The following UGT1A10 variants were observed in gnomAD, a reference collection of about 807,000 sequenced individuals.
UGT1A10 encodes UDP glucuronosyltransferase family 1 member A10.
UGT1A10 carries 49 observed loss-of-function variants against 45.8 expected under a neutral mutation model. The observed-to-expected ratio is 1.07, with a 90% CI of 0.85 to 1.36. The LOEUF is 1.36. Ranked by LOEUF, UGT1A10 falls within the 40% of genes most tolerant of loss-of-function variation. The pLI, the probability that UGT1A10 is intolerant of heterozygous loss-of-function variation, is 0.00. For missense variants in UGT1A10, 745 were observed against 668.6 expected (o/e 1.11, Z -1.26); for synonymous variants, 284 against 249.7 (o/e 1.14, Z -1.29).
chr2:233,772,879 G>T lies in UGT1A10; in HGVS notation c.*320G>T. The stretch of plus-strand genomic sequence containing the variant: ...AAACATGGCCTGTTTGGGAGTGCGG[G>T]ATTCAAAGGTGGTCCCACGGCTGCC... On this transcript the variant is annotated 3_prime_UTR_variant, in exon 5 of 5. Transcript: ENST00000344644. The T allele has an allele frequency of 1.7e-6, 1 of 580,054 alleles. No individual in the cohort carries two copies. The allele number at this position is 580,054 out of a possible 1,614,324, so 35.9% of individuals were successfully genotyped here. A position where few individuals can be genotyped will look rare whatever the true frequency, so the allele number is the denominator to read the frequency against.
Position 233,752,763 on chromosome 2 carries a change from A to C in UGT1A10, c.856-14271A>C, listed in dbSNP as rs182475075. Among the ~76,000 whole-genome samples, 215 of 152,376 alleles carry C rather than the reference A, an allele frequency of 1.4e-3. 1 individual carries two copies. Among genetic ancestry groups the C allele is most frequent in the African/African-American group, 4.9e-3 (204 of 41,592 alleles). On this transcript the variant is annotated intron_variant, in intron 1 of 4. Coordinates refer to ENST00000344644, the MANE Select transcript of UGT1A10 (RefSeq NM_019075.4). Reference sequence around the variant, plus strand: ...CTGTCTCTAAAACAAACAAACAAACAAACAAACAATAACCAAACAAGCTTT... The same window carrying C: ...CTGTCTCTAAAACAAACAAACAAACCAACAAACAATAACCAAACAAGCTTT...
intron 1 of UGT1A10, among the ~76,000 whole-genome samples, chr2:233,728,459 T>G (rs570780705): frequency 6.6e-6 from 1 of 152,268 alleles, no homozygotes; most frequent in South Asian, 2.1e-4. Context: ...CTCAACAAAG[T>G]CTTCCCAAGA....
intron 1 of UGT1A10, among the ~76,000 whole-genome samples, chr2:233,710,407 T>G (rs143150461): frequency 6.6e-6 from 1 of 152,346 alleles, no homozygotes; most frequent in Admixed American, 6.5e-5. Context: ...CTGGCTGCTC[T>G]GTATTTGTGC....
At chr2:233,689,490 A>G (rs943667421) in intron 1 of UGT1A10, among the ~76,000 whole-genome samples, 8 of 152,220 alleles carry the variant, frequency 5.3e-5, no homozygotes, top group Admixed American at 3.9e-4. Context: ...GAAATCGCAA[A>G]TCAATACGCA....
intron 1 of UGT1A10, among the ~76,000 whole-genome samples, chr2:233,679,183 C>T (rs2074443042): frequency 6.6e-6 from 1 of 152,172 alleles, no homozygotes; most frequent in Admixed American, 6.5e-5. Context: ...ACCATTTTGA[C>T]ACCTTCAGTG....
chr2:233,729,351 C>T, intron 1 of UGT1A10: 1 of 1,614,194 alleles, frequency 6.2e-7, no homozygotes, highest in Non-Finnish European at 8.5e-7. Context: ...AGAACTTTTT[C>T]ACCCTGACAA....
At position 233,769,460 on chromosome 2, in the gene UGT1A10, TATGC is replaced by T. The variant is rs1219729658; in HGVS notation, c.1295+1022_1295+1025del. ...GTGTGGGTGCACACGTGTGCATTCA[TATGC>T]GTGTGTGTGTGTGTGCGTGTGTTTA... On this transcript the variant is annotated intron_variant, in intron 4 of 4. Coordinates refer to ENST00000344644, the MANE Select transcript of UGT1A10 (RefSeq NM_019075.4). The surrounding 1 kb of genome is among the most constrained non-coding windows in gnomAD (Gnocchi z 4.4). 1.1e-5 allele frequency: 17 copies of T among 1,601,706 alleles called. No homozygotes were observed. Among genetic ancestry groups the T allele is most frequent in the Non-Finnish European group, 1.3e-5 (15 of 1,170,686 alleles).
intron 1 of UGT1A10, among the ~76,000 whole-genome samples, chr2:233,726,781 C>T (rs2077561250): frequency 6.6e-6 from 1 of 152,176 alleles, no homozygotes; most frequent in Non-Finnish European, 1.5e-5. Context: ...TAAAGTGAAA[C>T]CCACATCTTA....
chr2:233,720,871 A>ATT (rs60621337), intron 1 of UGT1A10, among the ~76,000 whole-genome samples: 47,878 of 132,580 alleles, frequency 0.36, 9,921 homozygotes, highest in African/African-American at 0.57. Context: ...GCTCCTGGCA[A>ATT]TTTTTTTTTT....
intron 1 of UGT1A10, among the ~76,000 whole-genome samples, chr2:233,670,376 T>C (rs1249754367): frequency 6.6e-6 from 1 of 152,220 alleles, no homozygotes; most frequent in Non-Finnish European, 1.5e-5. Flanking sequence ...ATTATTTGAC[T>C]TTTTTGCCTT....
chr2:233,724,874 C>A (rs370433880), intron 1 of UGT1A10, among the ~76,000 whole-genome samples: 1 of 128,396 alleles, frequency 7.8e-6, no homozygotes, highest in Non-Finnish European at 1.6e-5. Flanking sequence ...TTGTAGTGAG[C>A]GGAGATCACG....
intron 1 of UGT1A10, among the ~76,000 whole-genome samples, chr2:233,724,767 C>T (rs2125706363): frequency 7.0e-6 from 1 of 143,094 alleles, no homozygotes; most frequent in African/African-American, 2.7e-5. Context: ...GGCGGCCAGG[C>T]AGAGACACTC....
chr2:233,699,610 G>T (rs2125579992), intron 1 of UGT1A10, among the ~76,000 whole-genome samples: 1 of 152,318 alleles, frequency 6.6e-6, no homozygotes, highest in South Asian at 2.1e-4. Context: ...TCTATAGAAA[G>T]GAATAGAATG....
At chr2:233,677,498 A>G (rs2074392191) in intron 1 of UGT1A10, among the ~76,000 whole-genome samples, 1 of 152,214 alleles carries the variant, frequency 6.6e-6, no homozygotes, top group Non-Finnish European at 1.5e-5. Flanking sequence ...GTATGTTATT[A>G]GTATTATATC....
chr2:233,756,239 T>C (rs1242345996), intron 1 of UGT1A10: 1 of 152,226 alleles, frequency 6.6e-6, no homozygotes, highest in East Asian at 1.9e-4. Context: ...ACAACCCTCC[T>C]TCCCCATACC....
At chr2:233,719,313 C>CT (rs1559364649) in intron 1 of UGT1A10, 6 of 1,613,954 alleles carry the variant, frequency 3.7e-6, no homozygotes, top group Non-Finnish European at 5.1e-6. Flanking sequence ...GGCTAAGTAC[C>CT]TGTCGATTCC....
intron 1 of UGT1A10, among the ~76,000 whole-genome samples, chr2:233,666,287 C>A (rs1252300394): frequency 6.6e-6 from 1 of 152,194 alleles, no homozygotes; most frequent in Non-Finnish European, 1.5e-5. Flanking sequence ...TCCTGCTAAG[C>A]CCCACTTTCA....
At chr2:233,707,418 T>G (rs752536700) in intron 1 of UGT1A10, among the ~76,000 whole-genome samples, 16 of 152,316 alleles carry the variant, frequency 1.1e-4, no homozygotes, top group Admixed American at 2.6e-4. Flanking sequence ...CTCCCTCGAC[T>G]ATTTCTTTGC....
intron 1 of UGT1A10, among the ~76,000 whole-genome samples, chr2:233,651,229 C>T (rs1311432274): frequency 5.3e-5 from 8 of 152,172 alleles, no homozygotes; most frequent in Non-Finnish European, 1.2e-4. Context: ...GCAGCCTCAC[C>T]CTCTACCCAG....
Sources: allele counts gnomAD v4.1 joint callset (sites outside exome capture counted in the v4.1 genomes callset), GRCh38; gene constraint gnomAD v4.1.1; non-coding constraint Gnocchi (gnomAD v3.1); transcripts MANE v1.5; gene names NCBI Gene and HGNC (gene_info 2026-07-23, HGNC 2026-07-21).